Variants in TPM1 observed in about 807,000 individuals in gnomAD.
TPM1 encodes tropomyosin alpha-1 chain.
In TPM1, 24 loss-of-function variants were observed where a neutral mutation model predicts 42.9. The ratio of observed to expected loss-of-function variants is 0.56; its 90% CI spans 0.41 to 0.79. The LOEUF is 0.79. Ranked by LOEUF, TPM1 falls within the 30% of genes least tolerant of loss-of-function variation. TPM1 has a pLI of 0.00. For synonymous variants in TPM1, 136 were observed against 130.1 expected, an observed-to-expected ratio of 1.05 and a Z score of -0.31; for missense variants, 158 against 351.8, an observed-to-expected ratio of 0.45 and a Z score of 4.41.
intron 2 of TPM1, chr15:63,047,224 T>C (rs1464744012): frequency 6.6e-6 from 1 of 152,256 alleles, no homozygotes; most frequent in Non-Finnish European, 1.5e-5. Context: ...TGTGAGAGTC[T>C]CAGCAGAGGC....
chr15:63,048,503 C>G, intron 2 of TPM1: 1 of 1,464,980 alleles, frequency 6.8e-7, no homozygotes, highest in Non-Finnish European at 9.0e-7. Context: ...AGGACAGCCG[C>G]GGCAGCCGGG....
chr15:63,059,695 C>T lies in TPM1; in HGVS notation c.492+15C>T, dbSNP rs774145056. On this transcript the variant is annotated intron_variant, in intron 4 of 9. Coordinates refer to ENST00000403994, the MANE Select transcript of TPM1 (RefSeq NM_001018005.2). ...AATATGAAGAGGTCAGATCCTGGGG[C>T]CCAAAGCCTTGTGGACACCCAGCAG... The T allele has an allele frequency of 1.9e-6, 3 of 1,584,688 alleles. No individual in the cohort carries two copies. The highest frequency in any genetic ancestry group is 2.6e-6 in the Non-Finnish European group (3 of 1,155,956).
At chr15:63,059,009 T>C (rs968248215) in intron 3 of TPM1, among the ~76,000 whole-genome samples, 1 of 152,210 alleles carries the variant, frequency 6.6e-6, no homozygotes, top group African/African-American at 2.4e-5. Context: ...GAAATTGCCA[T>C]TATTACTTGT....
intron 2 of TPM1, among the ~76,000 whole-genome samples, chr15:63,050,901 T>C (rs1186610644): frequency 6.6e-6 from 1 of 152,208 alleles, no homozygotes; most frequent in Non-Finnish European, 1.5e-5. Context: ...CTGCAAAAAA[T>C]ATTTGACCAG....
At position 63,065,833 on chromosome 15, in the gene TPM1, CTTTT is replaced by C. The variant is rs58304847; in HGVS notation, c.852-52_852-49del. 21 of 1,307,230 alleles carry C rather than the reference CTTTT, an allele frequency of 1.6e-5. No individual in the cohort carries two copies. In the African/African-American group the frequency reaches 1.7e-4, roughly 11 times the overall value. 81.0% of individuals were successfully genotyped at this position (1,307,230 alleles called of 1,614,324 possible). On this transcript the variant is annotated intron_variant, in intron 9 of 9. Transcript: ENST00000403994. ...CTCATCTATTGGTTTGGTTTCCTTT[CTTTT>C]TTTTTTTTTTCTCATTGTGCCACTT... is the stretch of plus-strand genomic sequence containing the variant.
chr15:63,052,286 G>T (rs982722118), intron 2 of TPM1, among the ~76,000 whole-genome samples: 1 of 152,194 alleles, frequency 6.6e-6, no homozygotes, highest in Non-Finnish European at 1.5e-5. Flanking sequence ...ACTTTGGGCG[G>T]CCGAGACGGG....
downstream of TPM1, chr15:63,069,804 C>T: frequency 5.6e-6 from 9 of 1,605,364 alleles, no homozygotes; most frequent in Non-Finnish European, 6.8e-6. Context: ...AACTGCCTCT[C>T]ACCAAGTCTG....
downstream of TPM1, among the ~76,000 whole-genome samples, chr15:63,069,457 C>T (rs567714365): frequency 1.3e-5 from 2 of 152,262 alleles, no homozygotes; most frequent in South Asian, 4.1e-4. Context: ...CACTTAAGTT[C>T]AACACTGAGC....
chr15:63,046,468 T>G (rs766698962), intron 2 of TPM1: 3 of 152,228 alleles, frequency 2.0e-5, no homozygotes, highest in Non-Finnish European at 4.4e-5. Flanking sequence ...TGTAAAACAC[T>G]TTTACATTTT....
chr15:63,053,673 A>ATTTTTTTTT (rs397853689), intron 2 of TPM1, among the ~76,000 whole-genome samples: 5 of 75,110 alleles, frequency 6.7e-5, no homozygotes, highest in Non-Finnish European at 1.1e-4. Flanking sequence ...TGGAAGTTTG[A>ATTTTTTTTT]TTTTTTTTTT....
intron 2 of TPM1, among the ~76,000 whole-genome samples, chr15:63,053,419 T>C (rs188704170): frequency 6.6e-6 from 1 of 152,088 alleles, no homozygotes; most frequent in Non-Finnish European, 1.5e-5. Flanking sequence ...AGTGACATAG[T>C]GGAGAGCCGG....
chr15:63,043,871 T>C (rs2031790617), intron 1 of TPM1, 156 bp from the exon 2 acceptor site: 3 of 1,550,130 alleles, frequency 1.9e-6, no homozygotes, highest in African/African-American at 1.4e-5. Flanking sequence ...CACGAATGGC[T>C]AACTCTTTCT....
downstream of TPM1, chr15:63,070,435 G>T: frequency 2.0e-6 from 2 of 994,766 alleles, no homozygotes; most frequent in Non-Finnish European, 2.4e-6. Flanking sequence ...TTGAAAACAG[G>T]AACTCATGCC....
chr15:63,070,442 T>G (rs746060317), downstream of TPM1: 812 of 995,114 alleles, frequency 8.2e-4, no homozygotes, highest in Non-Finnish European at 9.3e-4. Context: ...CAGGAACTCA[T>G]GCCAGAAGCC....
intron 9 of TPM1, 58 bp from the exon 10 acceptor site, chr15:63,065,833 CTTTTT>C (rs58304847): frequency 1.5e-6 from 2 of 1,307,082 alleles, no homozygotes. Flanking sequence ...GGTTTCCTTT[CTTTTT>C]TTTTTTTTTC....
At chr15:63,067,920 C>T (rs185785228), downstream of TPM1, among the ~76,000 whole-genome samples, 5 of 152,330 alleles carry the variant, frequency 3.3e-5, no homozygotes, top group Non-Finnish European at 7.3e-5. Context: ...CCCATGCACA[C>T]CAGCTCCACA....
rs972203091 is a variant in TPM1 at position 63,043,342 on chromosome 15, A to G, written c.114+399A>G. On this transcript the variant is annotated intron_variant, in intron 1 of 9. Transcript: ENST00000403994. ...TTCGTTGACTTTTGACTGGGGAGAA[A>G]GGAACCTTAAACTTGGGGAGGAGAA... is the stretch of plus-strand genomic sequence containing the variant. The G allele has an allele frequency of 7.2e-6, 4 of 553,494 alleles. No individual in the cohort carries two copies. In the Admixed American group the frequency reaches 8.8e-5, roughly 12 times the overall value. 34.3% of individuals were successfully genotyped at this position (553,494 alleles called of 1,614,324 possible).
Position 63,056,631 on chromosome 15 carries a change from C to T in TPM1, c.241-354C>T, listed in dbSNP as rs558642054. 44 of 323,016 alleles carry T rather than the reference C, an allele frequency of 1.4e-4. 1 individual carries two copies. The highest frequency in any genetic ancestry group is 1.1e-3 in the South Asian group (43 of 37,426). The allele number at this position is 323,016 out of a possible 1,614,324, so 20.0% of individuals were successfully genotyped here. A position where few individuals can be genotyped will look rare whatever the true frequency, so the allele number is the denominator to read the frequency against. Reference sequence around the variant, plus strand: ...GCAGTGAGCTGAGATCGTGCCACTGCACCCCAGCCTGGGTGATAGAGCGAG... The same window carrying T: ...GCAGTGAGCTGAGATCGTGCCACTGTACCCCAGCCTGGGTGATAGAGCGAG... On this transcript the variant is annotated intron_variant, in intron 2 of 9. Transcript: ENST00000403994.
chr15:63,043,559 A>G (rs1008300730), intron 1 of TPM1: 6 of 1,284,252 alleles, frequency 4.7e-6, no homozygotes, highest in South Asian at 1.3e-5. Flanking sequence ...CAGCTCGGGT[A>G]AAGAGGAAGT....
Sources: gnomAD v4.1 joint callset for allele counts (sites outside exome capture counted in the v4.1 genomes callset) on GRCh38, gnomAD v4.1.1 for gene constraint, MANE v1.5 for transcripts, NCBI Gene and HGNC (gene_info 2026-07-23, HGNC 2026-07-21) for gene names.